Variants in CAV2 observed in about 807,000 individuals in gnomAD.
CAV2 encodes caveolin-2.
A neutral mutation model predicts 15.5 loss-of-function variants in CAV2; 7 were observed. The observed-to-expected ratio is 0.45, with a 90% CI of 0.26 to 0.85. CAV2 has a LOEUF of 0.85. Among genes scored for constraint, CAV2 ranks in the 40% least tolerant of loss-of-function variants. CAV2 has a pLI of 0.18. For synonymous variants in CAV2, 76 were observed against 83.1 expected, an observed-to-expected ratio of 0.91 and a Z score of 0.46; for missense variants, 229 against 208.8, an observed-to-expected ratio of 1.10 and a Z score of -0.60.
At position 116,500,297 on chromosome 7, in the gene CAV2, C is replaced by T. The variant is rs1355914850; in HGVS notation, c.188C>T (p.Thr63Met). ...FEDVIAEPVTTHSFDKVWICS... is the reference protein window; with the variant it reads ...FEDVIAEPVTMHSFDKVWICS... Reference sequence around the variant, plus strand: ...GATGTGATCGCAGAGCCGGTGACTACGCACTCCTTTGACAAAGTGTGGATC... The same window carrying T: ...GATGTGATCGCAGAGCCGGTGACTATGCACTCCTTTGACAAAGTGTGGATC... The change falls in exon 2 of 3, where the codon ACG (threonine) becomes ATG (methionine). Residue 63 changes from threonine to methionine, a missense_variant. Physicochemically the swap from Thr to Met is moderately conservative, Grantham distance 81 (BLOSUM62 -1). Coordinates refer to ENST00000222693, the MANE Select transcript of CAV2 (RefSeq NM_001233.5). 1 of 1,614,196 alleles carries T rather than the reference C, an allele frequency of 6.2e-7. No individual in the cohort carries two copies. The highest frequency in any genetic ancestry group is 2.2e-5 in the East Asian group (1 of 44,876).
In CAV2 at chr7:116,500,392, C is replaced by G; in HGVS notation, c.283C>G (p.Pro95Ala). The change falls in exon 2 of 3, where the codon CCC (proline) becomes GCC (alanine). Residue 95 changes from proline to alanine, a missense_variant. Physicochemically the swap from Pro to Ala is conservative, Grantham distance 27 (BLOSUM62 -1). Coordinates refer to ENST00000222693, the MANE Select transcript of CAV2 (RefSeq NM_001233.5). The part of the protein sequence containing the change: ...YKFLTVFLAI[P>A]LAFIAGILFA... The stretch of plus-strand genomic sequence containing the variant: ...GTTCCTGACGGTGTTCCTGGCCATT[C>G]CCCTGGCCTTCATTGCGGGAATTCT... The G allele has an allele frequency of 6.2e-7, 1 of 1,614,118 alleles. No homozygotes were observed. The highest frequency in any genetic ancestry group is 1.3e-5 in the African/African-American group (1 of 75,060).
chr7:116,505,656 A>T (rs1469759218), intron 2 of CAV2, among the ~76,000 whole-genome samples: 2 of 152,088 alleles, frequency 1.3e-5, no homozygotes, highest in Non-Finnish European at 2.9e-5. Flanking sequence ...ATCAGATCTC[A>T]AGCAAACTAA....
Position 116,506,607 on chromosome 7 carries a change from A to G in CAV2, c.*486A>G, listed in dbSNP as rs1793245141. ...AATGATCCTGGAAATTGCAGTAACA[A>G]AAGCACACAACGATTATAGTAACTA... On this transcript the variant is annotated 3_prime_UTR_variant, in exon 3 of 3. Transcript: ENST00000222693. The G allele has an allele frequency of 6.6e-6, 1 of 152,620 alleles. No individual in the cohort carries two copies. Among genetic ancestry groups the G allele is most frequent in the Non-Finnish European group, 1.5e-5 (1 of 68,344 alleles). 9.5% of individuals were successfully genotyped at this position (152,620 alleles called of 1,614,324 possible). A position where few individuals can be genotyped will look rare whatever the true frequency, so the allele number is the denominator to read the frequency against.
rs1793046301 is a variant in CAV2 at position 116,499,817 on chromosome 7, C to T, written c.36C>T (p.Leu12=). 1.3e-6 allele frequency: 2 copies of T among 1,599,596 alleles called. No homozygotes were observed. Among genetic ancestry groups the T allele is most frequent in the African/African-American group, 1.3e-5 (1 of 74,834 alleles). The part of the protein sequence containing the change: ...GLETEKADVQ[L]FMDDDSYSHH... Reference sequence around the variant, plus strand: ...AGACGGAGAAGGCGGACGTACAGCTCTTCATGGACGACGACTCCTACAGCC... The same window carrying T: ...AGACGGAGAAGGCGGACGTACAGCTTTTCATGGACGACGACTCCTACAGCC... Residue 12 remains leucine, a synonymous_variant, in exon 1 of 3, where the codon CTC becomes CTT. Transcript: ENST00000222693.
Position 116,506,059 on chromosome 7 carries a change from C to T in CAV2, c.427C>T (p.Pro143Ser), listed in dbSNP as rs751340071. Reference sequence around the variant, plus strand: ...GAGTGTGACAGATGTTATCATTGCTCCATTGTGTACGAGCGTAGGACGATG... The same window carrying T: ...GAGTGTGACAGATGTTATCATTGCTTCATTGTGTACGAGCGTAGGACGATG... ...WKSVTDVIIAPLCTSVGRCFS... is the reference protein window; with the variant it reads ...WKSVTDVIIASLCTSVGRCFS... Residue 143 changes from proline (P) to serine (S), a missense_variant, in exon 3 of 3, where the codon CCA becomes TCA. By Grantham distance (74) the Pro-to-Ser change is moderately conservative. Coordinates refer to ENST00000222693, the MANE Select transcript of CAV2 (RefSeq NM_001233.5). The T allele has an allele frequency of 1.9e-6, 3 of 1,613,818 alleles. No homozygotes were observed. Among genetic ancestry groups the T allele is most frequent in the South Asian group, 1.1e-5 (1 of 91,070 alleles).
chr7:116,504,877 G>A (rs756509998), intron 2 of CAV2, among the ~76,000 whole-genome samples: 1 of 152,132 alleles, frequency 6.6e-6, no homozygotes, highest in Non-Finnish European at 1.5e-5. Flanking sequence ...CATTTGCAGG[G>A]TTCTTTCAAC....
At chr7:116,502,890 T>C (rs1277317922) in intron 2 of CAV2, among the ~76,000 whole-genome samples, 3 of 152,198 alleles carry the variant, frequency 2.0e-5, no homozygotes, top group African/African-American at 7.2e-5. Context: ...GCACAGGTTA[T>C]TGGTCATAAG....
At chr7:116,500,588 A>G (rs780273785) in intron 2 of CAV2, 141 bp downstream of exon 2, 2 of 695,502 alleles carry the variant, frequency 2.9e-6, no homozygotes, top group South Asian at 1.9e-5. Flanking sequence ...GAAGAACTGG[A>G]AGGCCTTGAA....
Position 116,504,013 on chromosome 7 carries a change from GGAAA to G in CAV2, c.339-1943_339-1940del, listed in dbSNP as rs577467777. On this transcript the variant is annotated intron_variant, in intron 2 of 2. Transcript: ENST00000222693. ...AAGAAGAAAGAAAAAAGAAAAGAAA[GGAAA>G]GAAAGAAAGAAAGAGAAAGAAAAAG... Among the ~76,000 whole-genome samples, 620 of 135,100 alleles carry G rather than the reference GGAAA, an allele frequency of 4.6e-3. 6 individuals carry two copies. The highest frequency in any genetic ancestry group is 0.016 in the African/African-American group (569 of 36,042). The allele number at this position is 135,100 out of a possible 152,430, so 88.6% of individuals were successfully genotyped here.
chr7:116,502,505 T>C lies in CAV2; in HGVS notation c.338+2058T>C, dbSNP rs182586881. Reference sequence around the variant, plus strand: ...ATGCCTTGATAAAATAGGTTTATCATTAATAGATTGCATTCCCATGACATG... The same window carrying C: ...ATGCCTTGATAAAATAGGTTTATCACTAATAGATTGCATTCCCATGACATG... On this transcript the variant is annotated intron_variant, in intron 2 of 2. Transcript: ENST00000222693. Among the ~76,000 whole-genome samples the C allele has an allele frequency of 4.6e-5, 7 of 152,344 alleles. No homozygotes were observed. The East Asian group carries it at 1.3e-3, about 29-fold the overall frequency.
Position 116,506,412 on chromosome 7 carries a change from T to G in CAV2, c.*291T>G, listed in dbSNP as rs956414587. ...TAGTACAATAGTATACATTTTATAATGATGAACTTATAATGATTAAGGGAC... is the reference window on the plus strand; with the variant it reads ...TAGTACAATAGTATACATTTTATAAGGATGAACTTATAATGATTAAGGGAC... On this transcript the variant is annotated 3_prime_UTR_variant, in exon 3 of 3. Transcript: ENST00000222693. 5.4e-5 allele frequency: 15 copies of G among 279,186 alleles called. No homozygotes were observed. Among genetic ancestry groups the G allele is most frequent in the Middle Eastern group, 1.0e-3 (1 of 978 alleles). 17.3% of individuals were successfully genotyped at this position (279,186 alleles called of 1,614,324 possible).
rs746643505 is a variant in CAV2, at chr7:116,506,378, G to C, written c.*257G>C. The C allele has an allele frequency of 7.7e-5, 31 of 401,194 alleles. No homozygotes were observed. Among genetic ancestry groups the C allele is most frequent in the Non-Finnish European group, 1.3e-4 (29 of 225,382 alleles). 24.9% of individuals were successfully genotyped at this position (401,194 alleles called of 1,614,324 possible). A position where few individuals can be genotyped will look rare whatever the true frequency, so the allele number is the denominator to read the frequency against. ...CACCACTTAGATTTAAAGGCAGACA[G>C]TTTTGCTTTAGTACAATAGTATACA... On this transcript the variant is annotated 3_prime_UTR_variant, in exon 3 of 3. Transcript: ENST00000222693.
In CAV2 at chr7:116,506,932, G is replaced by A. The variant is rs531153491; in HGVS notation, c.*811G>A. 2 of 152,240 alleles carry A rather than the reference G, an allele frequency of 1.3e-5. No individual in the cohort carries two copies. The highest frequency in any genetic ancestry group is 2.4e-5 in the African/African-American group (1 of 41,552). The allele number at this position is 152,240 out of a possible 1,614,324, so 9.4% of individuals were successfully genotyped here. ...CTTTGGAAATAAAAGATAAAAGAGC[G>A]ATACACAAAGCTTTCTTTTCTAACT... is the stretch of plus-strand genomic sequence containing the variant. On this transcript the variant is annotated 3_prime_UTR_variant, in exon 3 of 3. Coordinates refer to ENST00000222693, the MANE Select transcript of CAV2 (RefSeq NM_001233.5).
chr7:116,500,036 C>T, intron 1 of CAV2, 105 bp downstream of exon 1: 11 of 1,502,506 alleles, frequency 7.3e-6, no homozygotes, highest in African/African-American at 7.0e-5. Context: ...GGGTCGGCCC[C>T]GCAGGGTCTG....
chr7:116,501,262 C>CA (rs1292862902), intron 2 of CAV2: 1 of 152,008 alleles, frequency 6.6e-6, no homozygotes, highest in East Asian at 1.9e-4. Flanking sequence ...CATATTTTAC[C>CA]AATAAATGTT....
At position 116,506,937 on chromosome 7, in the gene CAV2, A is replaced by C. The variant is rs181576888; in HGVS notation, c.*816A>C. Reference sequence around the variant, plus strand: ...GAAATAAAAGATAAAAGAGCGATACACAAAGCTTTCTTTTCTAACTTTTCC... The same window carrying C: ...GAAATAAAAGATAAAAGAGCGATACCCAAAGCTTTCTTTTCTAACTTTTCC... On this transcript the variant is annotated 3_prime_UTR_variant, in exon 3 of 3. Coordinates refer to ENST00000222693, the MANE Select transcript of CAV2 (RefSeq NM_001233.5). 1.0e-4 allele frequency: 16 copies of C among 152,394 alleles called. No individual in the cohort carries two copies. In the East Asian group the frequency reaches 2.7e-3, roughly 26 times the overall value. The allele number at this position is 152,394 out of a possible 1,614,324, so 9.4% of individuals were successfully genotyped here. A position where few individuals can be genotyped will look rare whatever the true frequency, so the allele number is the denominator to read the frequency against.
rs1285538704 is a variant in CAV2, at chr7:116,506,154, C to T, written c.*33C>T. On this transcript the variant is annotated 3_prime_UTR_variant, in exon 3 of 3. Coordinates refer to ENST00000222693, the MANE Select transcript of CAV2 (RefSeq NM_001233.5). ...GACCCCAGGTCTGGAGATTGGGATA[C>T]TGTAATACTTCTTTGTTATTATAAC... 3.7e-6 allele frequency: 6 copies of T among 1,607,144 alleles called. No individual in the cohort carries two copies. Among genetic ancestry groups the T allele is most frequent in the Non-Finnish European group, 5.1e-6 (6 of 1,174,032 alleles).
chr7:116,506,103 G>C lies in CAV2; in HGVS notation c.471G>C (p.Leu157=). The C allele has an allele frequency of 6.2e-7, 1 of 1,614,054 alleles. No homozygotes were observed. Among genetic ancestry groups the C allele is most frequent in the South Asian group, 1.1e-5 (1 of 91,064 alleles). ...GACGATGCTTCTCTTCTGTCAGCCTGCAACTGAGCCAGGATTGAATACTTG... is the reference window on the plus strand; with the variant it reads ...GACGATGCTTCTCTTCTGTCAGCCTCCAACTGAGCCAGGATTGAATACTTG... ...SVGRCFSSVS[L]QLSQD is the part of the protein sequence containing the mutation. Residue 157 remains leucine (L), a synonymous_variant, in exon 3 of 3, where the codon CTG becomes CTC. Coordinates refer to ENST00000222693, the MANE Select transcript of CAV2 (RefSeq NM_001233.5).
chr7:116,500,514 C>A (rs1793078676), intron 2 of CAV2, 67 bp downstream of exon 2: 7 of 1,459,714 alleles, frequency 4.8e-6, no homozygotes, highest in South Asian at 1.3e-5. Flanking sequence ...CACCTGCCCC[C>A]TACTCTCCTC....
Sources: allele counts gnomAD v4.1 joint callset (sites outside exome capture counted in the v4.1 genomes callset), GRCh38; gene constraint gnomAD v4.1.1; transcripts MANE v1.5; gene names NCBI Gene and HGNC (gene_info 2026-07-23, HGNC 2026-07-21).